Variants in MBD2 observed in about 807,000 individuals in gnomAD.
The protein encoded by MBD2 is methyl-CpG-binding domain protein 2.
MBD2 carries 9 observed loss-of-function variants against 39.3 expected under a neutral mutation model. The observed-to-expected ratio is 0.23, with a 90% CI of 0.14 to 0.40. MBD2 has a LOEUF of 0.40. MBD2 is among the 10% of genes least tolerant of loss of function. The pLI is 1.00. For synonymous variants in MBD2, 233 were observed against 211.1 expected (o/e 1.10, Z -0.90); for missense variants, 458 against 532.6 (o/e 0.86, Z 1.38).
At position 54,152,639 on chromosome 18, in the gene MBD2, G is replaced by C. The variant is rs933071881; in HGVS notation, c.*2685C>G. On this transcript the variant is annotated 3_prime_UTR_variant, in exon 7 of 7. Coordinates refer to ENST00000256429, the MANE Select transcript of MBD2 (RefSeq NM_003927.5). ...AAATAGGGTGCTGAGGCAGAAAATA[G>C]TGTCACAGGGATAGGCGGTAGTTAG... 1 of 152,236 alleles carries C rather than the reference G, an allele frequency of 6.6e-6. No homozygotes were observed. Among genetic ancestry groups the C allele is most frequent in the East Asian group, 1.9e-4 (1 of 5,186 alleles). The allele number at this position is 152,236 out of a possible 1,614,324, so 9.4% of individuals were successfully genotyped here.
intron 3 of MBD2, among the ~76,000 whole-genome samples, chr18:54,172,682 T>C (rs1384958129): frequency 6.6e-6 from 1 of 152,234 alleles, no homozygotes; most frequent in Non-Finnish European, 1.5e-5. Flanking sequence ...TTTCCCTGTA[T>C]ACTCACGACC....
chr18:54,213,515 T>C (rs1363675204), intron 1 of MBD2, among the ~76,000 whole-genome samples: 6 of 152,184 alleles, frequency 3.9e-5, no homozygotes, highest in African/African-American at 1.4e-4. Context: ...AAAACCAGGG[T>C]ATGCCACTAA....
Position 54,222,496 on chromosome 18 carries a change from TAA to T in MBD2, c.542+1520_542+1521del. 10 of 361,750 alleles carry T rather than the reference TAA, an allele frequency of 2.8e-5. 1 individual carries two copies. The highest frequency in any genetic ancestry group is 2.1e-4 in the South Asian group (10 of 47,310). The allele number at this position is 361,750 out of a possible 1,614,324, so 22.4% of individuals were successfully genotyped here. Reference sequence around the variant, plus strand: ...TATCACACTTTTTCTTTTTTTTCTTTAAAGAGATGGGGTTTCACTCTATTGCC... The same window carrying T: ...TATCACACTTTTTCTTTTTTTTCTTTAGAGATGGGGTTTCACTCTATTGCC... On this transcript the variant is annotated intron_variant, in intron 1 of 6. Coordinates refer to ENST00000256429, the MANE Select transcript of MBD2 (RefSeq NM_003927.5).
At chr18:54,186,646 T>G (rs972735696) in intron 3 of MBD2, among the ~76,000 whole-genome samples, 1 of 152,192 alleles carries the variant, frequency 6.6e-6, no homozygotes, top group Non-Finnish European at 1.5e-5. Context: ...AAATATTACC[T>G]CAATTCTTAC....
chr18:54,170,888 C>T (rs1299006294), intron 3 of MBD2, among the ~76,000 whole-genome samples: 2 of 152,066 alleles, frequency 1.3e-5, no homozygotes, highest in Non-Finnish European at 2.9e-5. Flanking sequence ...ATTGTATGGG[C>T]AAGGAGGTAA....
intron 3 of MBD2, among the ~76,000 whole-genome samples, chr18:54,171,165 G>C (rs1316449714): frequency 6.6e-6 from 1 of 152,072 alleles, no homozygotes; most frequent in Admixed American, 6.5e-5. Flanking sequence ...ACTTTGGGAG[G>C]CCGAGGCGGG....
intron 3 of MBD2, among the ~76,000 whole-genome samples, chr18:54,169,009 T>C (rs765348390): frequency 6.6e-6 from 1 of 152,110 alleles, no homozygotes; most frequent in African/African-American, 2.4e-5. Context: ...TTATGCTAAG[T>C]GAAAGAAGCC....
intron 3 of MBD2, among the ~76,000 whole-genome samples, 194 bp downstream of exon 3, chr18:54,188,680 A>G (rs2086299728): frequency 6.6e-6 from 1 of 152,220 alleles, no homozygotes; most frequent in Non-Finnish European, 1.5e-5. Flanking sequence ...ATTCATTATT[A>G]ACTTCTTAAA....
In MBD2 at chr18:54,164,551, C is replaced by T; in HGVS notation, c.1081G>A (p.Ala361Thr). ...ATGTCTTCATCTGTGACAATAAAAG[C>T]TTTGCAGAGGGGTTGAGATGTGTTA... is the stretch of plus-strand genomic sequence containing the variant. ...WLNTSQPLCK[A>T]FIVTDEDIRK... The change falls in exon 5 of 7, where the codon GCT becomes ACT. Residue 361 changes from alanine to threonine, a missense_variant. This residue lies in a region of MBD2 where 189 missense variants were observed against 296.6 expected (regional missense o/e 0.64). Transcript: ENST00000256429. 2 of 1,613,678 alleles carry T rather than the reference C, an allele frequency of 1.2e-6. No homozygotes were observed. Among genetic ancestry groups the T allele is most frequent in the Non-Finnish European group, 1.7e-6 (2 of 1,179,622 alleles).
At chr18:54,166,319 T>C (rs187978886) in intron 3 of MBD2, among the ~76,000 whole-genome samples, 153 bp from the exon 4 acceptor site, 11 of 152,362 alleles carry the variant, frequency 7.2e-5, no homozygotes, top group Non-Finnish European at 7.3e-5. Flanking sequence ...ATTCCAAACA[T>C]GAATTATTTC....
intron 3 of MBD2, among the ~76,000 whole-genome samples, chr18:54,187,098 G>A (rs2086291417): frequency 6.6e-6 from 1 of 152,144 alleles, no homozygotes. Context: ...AACTGTGACT[G>A]AATTTAGGTG....
At chr18:54,205,820 A>G (rs1417849475) in intron 1 of MBD2, among the ~76,000 whole-genome samples, 1 of 151,976 alleles carries the variant, frequency 6.6e-6, no homozygotes, top group East Asian at 1.9e-4. Context: ...AATCTCACAA[A>G]CTTCCTTTCC....
intron 3 of MBD2, among the ~76,000 whole-genome samples, chr18:54,181,405 TG>T (rs767215565): frequency 2.4e-4 from 36 of 152,226 alleles, no homozygotes; most frequent in Non-Finnish European, 2.6e-4. Flanking sequence ...CCCTTTATTA[TG>T]TCCATATTTC....
chr18:54,156,570 G>A (rs533207035), intron 6 of MBD2, among the ~76,000 whole-genome samples: 3 of 152,218 alleles, frequency 2.0e-5, no homozygotes, highest in African/African-American at 7.2e-5. Flanking sequence ...AGCAAAAGTC[G>A]GCCAGTGGCT....
intron 2 of MBD2, among the ~76,000 whole-genome samples, chr18:54,190,455 G>A (rs191102727): frequency 2.1e-3 from 322 of 152,314 alleles, no homozygotes; most frequent in African/African-American, 7.3e-3. Flanking sequence ...GCTGTCCAGG[G>A]TGGGGTCCCG....
At chr18:54,186,896 T>C (rs1234189586) in intron 3 of MBD2, among the ~76,000 whole-genome samples, 5 of 152,202 alleles carry the variant, frequency 3.3e-5, no homozygotes, top group Non-Finnish European at 4.4e-5. Flanking sequence ...GATAGAACTT[T>C]GCTCTTTGGA....
At chr18:54,202,649 A>G in intron 2 of MBD2, 1 of 940,288 alleles carries the variant, frequency 1.1e-6, no homozygotes, top group South Asian at 4.6e-5. Context: ...AAAGCTTCAG[A>G]AAACAATGAA....
intron 3 of MBD2, among the ~76,000 whole-genome samples, chr18:54,180,510 T>C (rs2086243221): frequency 6.6e-6 from 1 of 152,112 alleles, no homozygotes; most frequent in African/African-American, 2.4e-5. Context: ...ACATCTAGGT[T>C]GGGAGCATGA....
intron 3 of MBD2, among the ~76,000 whole-genome samples, chr18:54,168,780 C>G (rs1433224524): frequency 6.6e-6 from 1 of 151,474 alleles, no homozygotes; most frequent in Non-Finnish European, 1.5e-5. Flanking sequence ...CCTCTCCAAC[C>G]TTTCCAACAC....
Sources: gnomAD v4.1 joint callset for allele counts (sites outside exome capture counted in the v4.1 genomes callset) on GRCh38, gnomAD v4.1.1 for gene constraint, gnomAD v4.1.1 regional missense constraint, MANE v1.5 for transcripts, NCBI Gene and HGNC (gene_info 2026-07-23, HGNC 2026-07-21) for gene names.